CAMK1D: variants seen among roughly 807,000 people sequenced by gnomAD.
The protein encoded by CAMK1D is calcium/calmodulin-dependent protein kinase type 1D.
Under a neutral mutation model 47.7 loss-of-function variants are expected in CAMK1D, and 9 were observed. The ratio of observed to expected loss-of-function variants is 0.19; its 90% CI spans 0.11 to 0.33. The LOEUF is 0.33. CAMK1D is among the 10% of genes least tolerant of loss of function. The pLI is 1.00. For synonymous variants in CAMK1D, 184 were observed against 184.9 expected (o/e 0.99, Z 0.04); for missense variants, 291 against 488.7 (o/e 0.60, Z 3.81).
In CAMK1D at chr10:12,813,690, G is replaced by A. The variant is rs574744901; in HGVS notation, c.642-505G>A. On this transcript the variant is annotated intron_variant, in intron 6 of 10. Coordinates refer to ENST00000619168, the MANE Select transcript of CAMK1D (RefSeq NM_153498.4). ...TTACTCCTGTGTCACCTATCCTTGC[G>A]GAATGTGTGCTTTCTTGGTTGAGAT... Among the ~76,000 whole-genome samples, 56 of 152,168 alleles carry A rather than the reference G, an allele frequency of 3.7e-4. 1 individual carries two copies. The highest frequency in any genetic ancestry group is 1.2e-3 in the African/African-American group (51 of 41,516).
chr10:12,608,051 T>G (rs1838514949), intron 2 of CAMK1D, among the ~76,000 whole-genome samples: 1 of 152,154 alleles, frequency 6.6e-6, no homozygotes, highest in Non-Finnish European at 1.5e-5. Flanking sequence ...TTTTATATTT[T>G]TGGGAAAGTG....
chr10:12,826,476 C>T (rs1041337736), intron 10 of CAMK1D, among the ~76,000 whole-genome samples: 7 of 152,190 alleles, frequency 4.6e-5, no homozygotes, highest in Non-Finnish European at 8.8e-5. Context: ...TTCGTCTTTG[C>T]ATGGGCTATT....
chr10:12,490,264 TG>T (rs77435583), intron 1 of CAMK1D, among the ~76,000 whole-genome samples: 8,442 of 152,188 alleles, frequency 0.055, 658 homozygotes, highest in East Asian at 0.38. Context: ...GGGATAAGTG[TG>T]AAACAGCGAG....
chr10:12,752,166 A>G (rs1171381202), intron 3 of CAMK1D, among the ~76,000 whole-genome samples: 7 of 152,090 alleles, frequency 4.6e-5, no homozygotes, highest in Admixed American at 6.6e-5. Flanking sequence ...GTATTTTTGT[A>G]GAGATGGGAT....
At chr10:12,532,463 T>C (rs2132223866) in intron 1 of CAMK1D, among the ~76,000 whole-genome samples, 1 of 152,252 alleles carries the variant, frequency 6.6e-6, no homozygotes, top group South Asian at 2.1e-4. Context: ...GTATTTTTAG[T>C]AGAGACGGGG....
chr10:12,392,122 G>T (rs1394942929), intron 1 of CAMK1D, among the ~76,000 whole-genome samples: 1 of 152,024 alleles, frequency 6.6e-6, no homozygotes, highest in African/African-American at 2.4e-5. Context: ...GACCAACATG[G>T]TGAAACTCCG....
intron 1 of CAMK1D, among the ~76,000 whole-genome samples, 191 bp downstream of exon 1, chr10:12,350,101 G>A (rs942789290): frequency 6.6e-6 from 1 of 151,946 alleles, no homozygotes; most frequent in African/African-American, 2.4e-5. Flanking sequence ...CCGGGTGGGC[G>A]CCGTTCCCGG....
chr10:12,696,044 C>G (rs1001532892), intron 3 of CAMK1D, among the ~76,000 whole-genome samples: 4 of 152,152 alleles, frequency 2.6e-5, no homozygotes, highest in African/African-American at 9.7e-5. Context: ...CGCCATTGCA[C>G]TCCAGCCTGG....
At chr10:12,747,025 C>T (rs909659606) in intron 3 of CAMK1D, among the ~76,000 whole-genome samples, 2 of 141,448 alleles carry the variant, frequency 1.4e-5, no homozygotes, top group African/African-American at 2.7e-5. Flanking sequence ...TAATTTAATT[C>T]TTTTTGTTTG....
At chr10:12,422,026 C>G (rs1160827879) in intron 1 of CAMK1D, among the ~76,000 whole-genome samples, 1 of 152,136 alleles carries the variant, frequency 6.6e-6, no homozygotes, top group Non-Finnish European at 1.5e-5. Context: ...TCAGGCTGGT[C>G]TTGAACTCCC....
intron 1 of CAMK1D, among the ~76,000 whole-genome samples, chr10:12,372,942 T>C (rs1203901021): frequency 1.3e-5 from 2 of 152,224 alleles, no homozygotes; most frequent in Admixed American, 1.3e-4. Flanking sequence ...GAGTAATTTT[T>C]AACAGAAGTG....
intron 2 of CAMK1D, among the ~76,000 whole-genome samples, chr10:12,604,995 C>G (rs1017704123): frequency 1.4e-4 from 22 of 151,758 alleles, no homozygotes; most frequent in Admixed American, 3.9e-4. Context: ...TCAAGTGATT[C>G]TCCTGCATCA....
chr10:12,446,987 T>C lies in CAMK1D; in HGVS notation c.92+97077T>C, dbSNP rs1832943085. On this transcript the variant is annotated intron_variant, in intron 1 of 10. Transcript: ENST00000619168. Reference sequence around the variant, plus strand: ...GTGTCCCAACTGGCAGCTTCCCCAATTCATCCTAAGACATTTTGCCATGTC... The same window carrying C: ...GTGTCCCAACTGGCAGCTTCCCCAACTCATCCTAAGACATTTTGCCATGTC... Among the ~76,000 whole-genome samples, 3 of 152,204 alleles carry C rather than the reference T, an allele frequency of 2.0e-5. No individual in the cohort carries two copies. The South Asian group carries it at 6.2e-4, about 32-fold the overall frequency.
chr10:12,406,516 G>A (rs968751047), intron 1 of CAMK1D, among the ~76,000 whole-genome samples: 10 of 151,614 alleles, frequency 6.6e-5, no homozygotes, highest in African/African-American at 2.4e-4. Flanking sequence ...AGACCAGCCT[G>A]GGCAACATAG....
intron 2 of CAMK1D, among the ~76,000 whole-genome samples, chr10:12,570,510 C>T (rs1034378209): frequency 3.3e-5 from 5 of 151,410 alleles, no homozygotes; most frequent in East Asian, 2.0e-4. Context: ...GAAACCCCAC[C>T]GTCCACTAAA....
At chr10:12,713,563 G>A (rs1191293675) in intron 3 of CAMK1D, among the ~76,000 whole-genome samples, 2 of 152,228 alleles carry the variant, frequency 1.3e-5, no homozygotes, top group Non-Finnish European at 2.9e-5. Flanking sequence ...AAACAGGGAG[G>A]GAATGCGGAC....
intron 1 of CAMK1D, among the ~76,000 whole-genome samples, chr10:12,415,454 A>AGTT (rs1839811538): frequency 1.1e-5 from 1 of 89,374 alleles, no homozygotes; most frequent in Non-Finnish European, 2.6e-5. Context: ...ACGCCTGGCT[A>AGTT]ATTTTTTTTT....
At chr10:12,750,696 GA>G (rs2130873947) in intron 3 of CAMK1D, among the ~76,000 whole-genome samples, 1 of 152,072 alleles carries the variant, frequency 6.6e-6, no homozygotes, top group South Asian at 2.1e-4. Flanking sequence ...AATGAATGAT[GA>G]ATGAATGAAT....
chr10:12,720,684 C>CT (rs1834334933), intron 3 of CAMK1D, among the ~76,000 whole-genome samples: 1 of 152,160 alleles, frequency 6.6e-6, no homozygotes, highest in South Asian at 2.1e-4. Context: ...CCCTTCAACC[C>CT]TTTTTTGAGA....
Sources: allele counts gnomAD v4.1 joint callset (sites outside exome capture counted in the v4.1 genomes callset), GRCh38; gene constraint gnomAD v4.1.1; transcripts MANE v1.5; gene names NCBI Gene and HGNC (gene_info 2026-07-23, HGNC 2026-07-21).